Variants in FBXO5 observed in about 807,000 individuals in gnomAD.
FBXO5 encodes F-box protein 5.
FBXO5 carries 8 observed loss-of-function variants against 43.3 expected under a neutral mutation model. That is an observed-to-expected ratio of 0.18 (90% CI 0.11 to 0.33). The LOEUF (loss-of-function observed/expected upper bound fraction) is 0.33, where lower values mean the gene tolerates loss of function less well. FBXO5 is among the 10% of genes least tolerant of loss of function. The pLI is 1.00. For synonymous variants in FBXO5, 204 were observed against 193.7 expected (o/e 1.05, Z -0.44); for missense variants, 491 against 535.7 (o/e 0.92, Z 0.82).
At chr6:152,971,448 C>T (rs777212051) in intron 4 of FBXO5, 34 bp from the exon 5 acceptor site, 52 of 1,565,884 alleles carry the variant, frequency 3.3e-5, no homozygotes, top group Non-Finnish European at 4.4e-5. Context: ...TAACAAATTT[C>T]AGCAAGAATT....
chr6:152,975,254 A>G lies in FBXO5; in HGVS notation c.471T>C (p.Ser157=). ...YSSFSLQSGL[S]EHEEGSLLEE... ...CCAGGAGGCTACCTTCTTCATGTTCACTGAGGCCACTTTGTAGAGAAAATG... is the reference window on the plus strand; with the variant it reads ...CCAGGAGGCTACCTTCTTCATGTTCGCTGAGGCCACTTTGTAGAGAAAATG... The change falls in exon 2 of 5, where the codon AGT becomes AGC. Residue 157 remains serine, a synonymous_variant. Transcript: ENST00000229758. 1 of 1,614,088 alleles carries G rather than the reference A, an allele frequency of 6.2e-7. No individual in the cohort carries two copies. Among genetic ancestry groups the G allele is most frequent in the South Asian group, 1.1e-5 (1 of 91,068 alleles).
At chr6:152,980,737 A>G (rs1444364754) in intron 1 of FBXO5, among the ~76,000 whole-genome samples, 1 of 152,216 alleles carries the variant, frequency 6.6e-6, no homozygotes, top group Non-Finnish European at 1.5e-5. Context: ...CTGCTAATCT[A>G]CTAGATCTGG....
Position 152,971,016 on chromosome 6 carries a change from C to T in FBXO5, c.*147G>A. 4 of 621,098 alleles carry T rather than the reference C, an allele frequency of 6.4e-6. No individual in the cohort carries two copies. Among genetic ancestry groups the T allele is most frequent in the Non-Finnish European group, 1.0e-5 (4 of 394,014 alleles). The allele number at this position is 621,098 out of a possible 1,614,324, so 38.5% of individuals were successfully genotyped here. A position where few individuals can be genotyped will look rare whatever the true frequency, so the allele number is the denominator to read the frequency against. ...AAAATATTTTAAGAGGTTGTCTATC[C>T]TCTTTATCTTCTGGGGGGAAAAAAA... On this transcript the variant is annotated 3_prime_UTR_variant, in exon 5 of 5. Coordinates refer to ENST00000229758, the MANE Select transcript of FBXO5 (RefSeq NM_012177.5).
rs1778144966 is a variant in FBXO5 at position 152,975,082 on chromosome 6, C to T, written c.643G>A (p.Val215Ile). 2 of 1,614,026 alleles carry T rather than the reference C, an allele frequency of 1.2e-6. No homozygotes were observed. Among genetic ancestry groups the T allele is most frequent in the African/African-American group, 1.3e-5 (1 of 74,920 alleles). Residue 215 changes from valine to isoleucine, a missense_variant, in exon 2 of 5, where the codon GTA (valine) becomes ATA (isoleucine). Physicochemically the swap from Val to Ile is conservative, Grantham distance 29. Transcript: ENST00000229758. ...LKKNAKRNPK[V>I]DREMLKEIIA... ...ATTTCCTTCAGCATCTCCCGATCTA[C>T]TTTAGGATTTCGTTTTGCATTCTTT...
chr6:152,971,134 T>C lies in FBXO5; in HGVS notation c.*29A>G. The C allele has an allele frequency of 1.3e-6, 2 of 1,563,924 alleles. No individual in the cohort carries two copies. Among genetic ancestry groups the C allele is most frequent in the Non-Finnish European group, 1.7e-6 (2 of 1,158,658 alleles). ...CCTAACATTTTCTAACTAACATTCA[T>C]GATCAGTAACAATTGATTTAATAAG... On this transcript the variant is annotated 3_prime_UTR_variant, in exon 5 of 5. Transcript: ENST00000229758.
chr6:152,974,798 G>T, intron 2 of FBXO5, 109 bp downstream of exon 2: 2 of 823,770 alleles, frequency 2.4e-6, no homozygotes, highest in Non-Finnish European at 3.8e-6. Flanking sequence ...CATTTCAGAT[G>T]AGGGACACTC....
chr6:152,983,063 T>A (rs1178802771), upstream of FBXO5: 26 of 614,914 alleles, frequency 4.2e-5, no homozygotes, highest in Non-Finnish European at 1.0e-5. Flanking sequence ...CGCCAGCTGG[T>A]ACTTTTAAAA....
chr6:152,970,814 T>C lies in FBXO5; in HGVS notation c.*349A>G, dbSNP rs1778074380. Reference sequence around the variant, plus strand: ...ATAAAATGTCTGAAATGCTAACAGATGGAAAACCAGACATATTTAAGACTG... The same window carrying C: ...ATAAAATGTCTGAAATGCTAACAGACGGAAAACCAGACATATTTAAGACTG... On this transcript the variant is annotated 3_prime_UTR_variant, in exon 5 of 5. Coordinates refer to ENST00000229758, the MANE Select transcript of FBXO5 (RefSeq NM_012177.5). The C allele has an allele frequency of 5.9e-6, 1 of 169,210 alleles. No individual in the cohort carries two copies. The highest frequency in any genetic ancestry group is 1.3e-5 in the Non-Finnish European group (1 of 79,352). The allele number at this position is 169,210 out of a possible 1,614,324, so 10.5% of individuals were successfully genotyped here. A position where few individuals can be genotyped will look rare whatever the true frequency, so the allele number is the denominator to read the frequency against.
intron 1 of FBXO5, among the ~76,000 whole-genome samples, chr6:152,978,371 A>ATT (rs371649388): frequency 0.15 from 1,776 of 11,820 alleles, 539 homozygotes; most frequent in South Asian, 0.4. Flanking sequence ...GGAGAGCTTC[A>ATT]TTTTTTGGGG....
At chr6:152,982,360 A>T (rs940561007) in intron 1 of FBXO5, among the ~76,000 whole-genome samples, 2 of 152,084 alleles carry the variant, frequency 1.3e-5, no homozygotes, top group Non-Finnish European at 2.9e-5. Flanking sequence ...AAAATCGGGG[A>T]AACTGCCTTT....
intron 1 of FBXO5, among the ~76,000 whole-genome samples, chr6:152,978,257 G>C (rs1335734640): frequency 6.6e-6 from 1 of 151,766 alleles, no homozygotes; most frequent in Non-Finnish European, 1.5e-5. Flanking sequence ...CCAGTCCTTA[G>C]TAACAATGAC....
intron 1 of FBXO5, among the ~76,000 whole-genome samples, chr6:152,979,654 T>C (rs1186040036): frequency 6.6e-6 from 1 of 152,264 alleles, no homozygotes; most frequent in Non-Finnish European, 1.5e-5. Context: ...TTATTCATAC[T>C]ACCAATCATT....
chr6:152,977,341 T>C (rs1443916658), intron 1 of FBXO5, among the ~76,000 whole-genome samples: 2 of 152,232 alleles, frequency 1.3e-5, no homozygotes, highest in Admixed American at 1.3e-4. Flanking sequence ...GCACTAAATA[T>C]TGGTAATGCG....
At chr6:152,976,954 C>T (rs1269537519) in intron 1 of FBXO5, among the ~76,000 whole-genome samples, 2 of 152,194 alleles carry the variant, frequency 1.3e-5, no homozygotes, top group East Asian at 1.9e-4. Context: ...TGCAATGTCT[C>T]CAGTTACCAG....
Position 152,982,910 on chromosome 6 carries a change from C to A in FBXO5, c.50G>T (p.Cys17Phe), listed in dbSNP as rs1778287484. The A allele has an allele frequency of 2.0e-6, 3 of 1,487,940 alleles. No individual in the cohort carries two copies. The highest frequency in any genetic ancestry group is 2.5e-5 in the South Asian group (2 of 78,508). The allele number at this position is 1,487,940 out of a possible 1,614,324, so 92.2% of individuals were successfully genotyped here. The change falls in exon 1 of 5, where the codon TGC (cysteine) becomes TTC (phenylalanine). Residue 17 changes from cysteine to phenylalanine, a missense_variant. Transcript: ENST00000229758. ...TGTCACTGCGCTGGGGCTGGCGCTG[C>A]AGGAGCAGCGGGGTGGCCGTAGGGC... Reference protein sequence around the residue: ...SCALRPPRCSCSASPSAVTAA... With the variant: ...SCALRPPRCSFSASPSAVTAA...
intron 1 of FBXO5, among the ~76,000 whole-genome samples, chr6:152,978,382 G>GGGGGC (rs1778206752): frequency 3.7e-5 from 2 of 54,632 alleles, no homozygotes; most frequent in African/African-American, 1.3e-4. Flanking sequence ...TTTTTTGGGG[G>GGGGGC]GGGGGGGGGG....
intron 1 of FBXO5, among the ~76,000 whole-genome samples, chr6:152,979,313 T>C (rs1778227573): frequency 6.6e-6 from 1 of 152,210 alleles, no homozygotes; most frequent in South Asian, 2.1e-4. Context: ...TGTTTATAAT[T>C]ACCTTGACAA....
chr6:152,979,911 T>G (rs1490524118), intron 1 of FBXO5, among the ~76,000 whole-genome samples: 4 of 152,238 alleles, frequency 2.6e-5, no homozygotes, highest in African/African-American at 9.6e-5. Context: ...GGTTTCCTTT[T>G]TTTTGGAAAA....
rs768001391 is a variant in FBXO5, at chr6:152,982,894, G to C, written c.66C>G (p.Ser22Arg). ...GAGGGCGCCCGGCGGCTGTCACTGC[G>C]CTGGGGCTGGCGCTGCAGGAGCAGC... ...PPRCSCSASP[S>R]AVTAAGRPRP... Residue 22 changes from serine (S) to arginine (R), a missense_variant, in exon 1 of 5, where the codon AGC (serine) becomes AGG (arginine). Ser to Arg is a moderately radical substitution (Grantham distance 110). Transcript: ENST00000229758. 8.6e-6 allele frequency: 13 copies of C among 1,507,712 alleles called. No individual in the cohort carries two copies. The East Asian group carries it at 2.5e-4, about 29-fold the overall frequency. 93.4% of individuals were successfully genotyped at this position (1,507,712 alleles called of 1,614,324 possible). A position where few individuals can be genotyped will look rare whatever the true frequency, so the allele number is the denominator to read the frequency against.
Sources: allele counts gnomAD v4.1 joint callset (sites outside exome capture counted in the v4.1 genomes callset), GRCh38; gene constraint gnomAD v4.1.1; transcripts MANE v1.5; gene names NCBI Gene and HGNC (gene_info 2026-07-23, HGNC 2026-07-21).